The following PTPRD variants were observed in gnomAD, a reference collection of about 807,000 sequenced individuals.
The protein encoded by PTPRD is protein tyrosine phosphatase receptor type D, also known as receptor-type tyrosine-protein phosphatase delta.
A neutral mutation model predicts 214.5 loss-of-function variants in PTPRD; 34 were observed. That is an observed-to-expected ratio of 0.16 (90% CI 0.12 to 0.21). The LOEUF (loss-of-function observed/expected upper bound fraction) is 0.21. Ranked by LOEUF, PTPRD falls within the 10% of genes least tolerant of loss-of-function variation. PTPRD has a pLI of 1.00. For missense variants in PTPRD, 2,545 were observed against 2,398.7 expected (o/e 1.06, Z -1.27); for synonymous variants, 1,128 against 845.7 (o/e 1.33, Z -5.79).
At chr9:10,467,719 G>C (rs1442678838) in intron 2 of PTPRD, among the ~76,000 whole-genome samples, 3 of 152,312 alleles carry the variant, frequency 2.0e-5, no homozygotes, top group Admixed American at 2.0e-4. Context: ...TTGTAATGGA[G>C]TAGAGAGAGA....
In PTPRD at chr9:10,395,954, T is replaced by TGAGAGAGA. The variant is rs368100918; in HGVS notation, c.-599-54945_-599-54938dup. ...AAGCCACAGAGGGACATAGAGAGAA[T>TGAGAGAGA]GAGAGAGAGAGAGAGAGAGAGAGAG... On this transcript the variant is annotated intron_variant, in intron 2 of 45. Transcript: ENST00000381196. 2.4e-3 allele frequency among the ~76,000 whole-genome samples: 325 copies of TGAGAGAGA among 134,374 alleles called. 6 individuals carry two copies. Among genetic ancestry groups the TGAGAGAGA allele is most frequent in the African/African-American group, 8.4e-3 (308 of 36,648 alleles). The allele number at this position is 134,374 out of a possible 152,430, so 88.2% of individuals were successfully genotyped here.
Position 8,317,160 on chromosome 9 carries a change from G to A in PTPRD, c.*714C>T. 1 of 231,824 alleles carries A rather than the reference G, an allele frequency of 4.3e-6. No individual in the cohort carries two copies. The highest frequency in any genetic ancestry group is 6.1e-5 in the East Asian group (1 of 16,362). The allele number at this position is 231,824 out of a possible 1,614,324, so 14.4% of individuals were successfully genotyped here. A position where few individuals can be genotyped will look rare whatever the true frequency, so the allele number is the denominator to read the frequency against. ...TGTAGATTGAGTTTTGCACAAAAAT[G>A]TGCAAATTTTCAAATGATTTGATAT... On this transcript the variant is annotated 3_prime_UTR_variant, in exon 46 of 46. Transcript: ENST00000381196.
At chr9:9,548,426 A>T (rs138555916) in intron 8 of PTPRD, among the ~76,000 whole-genome samples, 97 of 69,172 alleles carry the variant, frequency 1.4e-3, no homozygotes, top group Non-Finnish European at 1.7e-3. Context: ...TTTTTTTTTT[A>T]AGACGGAGTC....
At chr9:9,338,895 A>G (rs1451507742) in intron 9 of PTPRD, among the ~76,000 whole-genome samples, 1 of 151,882 alleles carries the variant, frequency 6.6e-6, no homozygotes, top group Non-Finnish European at 1.5e-5. Context: ...CCCTGTGTCC[A>G]TGTGTTCTCA....
chr9:9,445,094 A>C (rs1283528534), intron 8 of PTPRD, among the ~76,000 whole-genome samples: 1 of 152,194 alleles, frequency 6.6e-6, no homozygotes, highest in Non-Finnish European at 1.5e-5. Flanking sequence ...AGATTTTTGC[A>C]CTTGGTAATA....
rs114974316 is a variant in PTPRD, at chr9:8,622,334, T to C, written c.352+10983A>G. Among the ~76,000 whole-genome samples the C allele has an allele frequency of 3.7e-3, 560 of 152,102 alleles. 3 individuals carry two copies. Among genetic ancestry groups the C allele is most frequent in the African/African-American group, 0.013 (537 of 41,544 alleles). On this transcript the variant is annotated intron_variant, in intron 14 of 45. Coordinates refer to ENST00000381196, the MANE Select transcript of PTPRD (RefSeq NM_002839.4). ...GACAAAAAGGTGAGCTTAATTCTTCTGTCAGCTGAGGCTTCATGTGTCAAA... is the reference window on the plus strand; with the variant it reads ...GACAAAAAGGTGAGCTTAATTCTTCCGTCAGCTGAGGCTTCATGTGTCAAA...
chr9:10,040,360 A>G (rs1160499550), intron 3 of PTPRD, among the ~76,000 whole-genome samples: 1 of 152,054 alleles, frequency 6.6e-6, no homozygotes, highest in African/African-American at 2.4e-5. Context: ...GAAACATTTT[A>G]GATACACCTA....
At chr9:8,853,556 T>G (rs1402842493) in intron 11 of PTPRD, among the ~76,000 whole-genome samples, 1 of 152,292 alleles carries the variant, frequency 6.6e-6, no homozygotes, top group East Asian at 1.9e-4. Flanking sequence ...AAACCTATCC[T>G]TTGGTAGAAA....
At chr9:9,001,116 G>A (rs889077473) in intron 11 of PTPRD, among the ~76,000 whole-genome samples, 13 of 151,834 alleles carry the variant, frequency 8.6e-5, no homozygotes, top group South Asian at 4.2e-4. Flanking sequence ...AAAAGGCACC[G>A]GTTACTAATG....
chr9:8,675,852 T>C (rs1270295660), intron 12 of PTPRD, among the ~76,000 whole-genome samples: 1 of 152,196 alleles, frequency 6.6e-6, no homozygotes, highest in African/African-American at 2.4e-5. Context: ...CCTACTCTGA[T>C]ACACTCTTCA....
intron 2 of PTPRD, among the ~76,000 whole-genome samples, chr9:10,451,567 A>G (rs75138794): frequency 0.013 from 2,005 of 151,726 alleles, 68 homozygotes; most frequent in African/African-American, 0.046. Flanking sequence ...TGATTAAAAT[A>G]CTATCTACCT....
At chr9:10,466,618 CA>C (rs1196447392) in intron 2 of PTPRD, among the ~76,000 whole-genome samples, 1 of 64,356 alleles carries the variant, frequency 1.6e-5, no homozygotes, top group Non-Finnish European at 2.6e-5. Context: ...AGCGAAACTC[CA>C]ACTCAAAAAA....
chr9:8,853,867 A>T (rs561929402), intron 11 of PTPRD, among the ~76,000 whole-genome samples: 2 of 152,320 alleles, frequency 1.3e-5, no homozygotes, highest in South Asian at 4.1e-4. Context: ...TTTCAAAGAA[A>T]CTGAACAGTA....
At chr9:10,574,595 A>G (rs1378917055) in intron 2 of PTPRD, among the ~76,000 whole-genome samples, 1 of 152,020 alleles carries the variant, frequency 6.6e-6, no homozygotes, top group African/African-American at 2.4e-5. Flanking sequence ...ATTCAAATAC[A>G]TTTGTGGGTT....
At position 8,911,455 on chromosome 9, in the gene PTPRD, G is replaced by C. The variant is rs1019444282; in HGVS notation, c.-104+107242C>G. On this transcript the variant is annotated intron_variant, in intron 11 of 45. Transcript: ENST00000381196. ...TGTGTGTGTGTGAGAGAGAGAGAGA[G>C]ACAAAGAGAGAATGAATGACAACAC... is the stretch of plus-strand genomic sequence containing the variant. Among the ~76,000 whole-genome samples, 3 of 151,134 alleles carry C rather than the reference G, an allele frequency of 2.0e-5. No homozygotes were observed. In the South Asian group the frequency reaches 6.3e-4, roughly 32 times the overall value.
chr9:8,904,724 T>A (rs1203574424), intron 11 of PTPRD, among the ~76,000 whole-genome samples: 5 of 152,076 alleles, frequency 3.3e-5, no homozygotes, highest in Non-Finnish European at 5.9e-5. Flanking sequence ...AAATATTATT[T>A]GCAAAACACA....
At chr9:8,473,521 C>T (rs1030658754) in intron 30 of PTPRD, among the ~76,000 whole-genome samples, 2 of 152,134 alleles carry the variant, frequency 1.3e-5, no homozygotes, top group Admixed American at 6.5e-5. Context: ...TTTTCACTAC[C>T]AACTTCTCAA....
chr9:10,038,787 T>C (rs1217247037), intron 3 of PTPRD, among the ~76,000 whole-genome samples: 1 of 152,124 alleles, frequency 6.6e-6, no homozygotes, highest in Admixed American at 6.6e-5. Flanking sequence ...CTTAGTTCTC[T>C]AGATTATGGG....
chr9:9,784,685 C>A (rs2098903581), intron 5 of PTPRD, among the ~76,000 whole-genome samples: 1 of 149,612 alleles, frequency 6.7e-6, no homozygotes, highest in Non-Finnish European at 1.5e-5. Flanking sequence ...ATTAGTGGAA[C>A]TGTGCTAGCT....
Sources: allele counts gnomAD v4.1 joint callset (sites outside exome capture counted in the v4.1 genomes callset), GRCh38; gene constraint gnomAD v4.1.1; transcripts MANE v1.5; gene names NCBI Gene and HGNC (gene_info 2026-07-23, HGNC 2026-07-21).